STIMATE: variants seen among roughly 807,000 people sequenced by gnomAD.
STIMATE encodes the protein STIM activating enhancer.
STIMATE carries 15 observed loss-of-function variants against 36.7 expected under a neutral mutation model. The ratio of observed to expected loss-of-function variants is 0.41; its 90% CI spans 0.27 to 0.63. The LOEUF (loss-of-function observed/expected upper bound fraction) is 0.63, where lower values mean the gene tolerates loss of function less well. Ranked by LOEUF, STIMATE falls within the 20% of genes least tolerant of loss-of-function variation. STIMATE has a pLI of 0.32. For missense variants in STIMATE, 305 were observed against 397.3 expected (o/e 0.77, Z 1.98); for synonymous variants, 163 against 162.3 (o/e 1.00, Z -0.03).
intron 1 of STIMATE, among the ~76,000 whole-genome samples, chr3:52,870,596 G>A (rs962546946): frequency 2.6e-5 from 4 of 152,150 alleles, no homozygotes; most frequent in Admixed American, 2.0e-4. Context: ...TCTGCCCAGG[G>A]TGAGGGCACT....
intron 1 of STIMATE, among the ~76,000 whole-genome samples, chr3:52,884,371 G>A (rs754448254): frequency 2.6e-5 from 4 of 151,514 alleles, no homozygotes; most frequent in African/African-American, 7.3e-5. Context: ...TCAGCCTCCC[G>A]AGTACCTGGG....
At chr3:52,858,698 G>T (rs998901760) in intron 1 of STIMATE, among the ~76,000 whole-genome samples, 4 of 152,194 alleles carry the variant, frequency 2.6e-5, no homozygotes, top group African/African-American at 2.4e-5. Context: ...AATCTGCAAT[G>T]AATGCACTGC....
rs770005112 is a variant in STIMATE, at chr3:52,891,668, TTTTC to T, written c.160+5619_160+5622del. On this transcript the variant is annotated intron_variant, in intron 1 of 7. Transcript: ENST00000355083. ...ACTGTGCTGGCTGGGCTAAAGGTGC[TTTTC>T]TTTCTTTCTTTTTTTTTTCACTGCC... Among the ~76,000 whole-genome samples, 23 of 152,090 alleles carry T rather than the reference TTTTC, an allele frequency of 1.5e-4. 1 individual carries two copies. Among genetic ancestry groups the T allele is most frequent in the Middle Eastern group, 6.8e-3 (2 of 294 alleles).
At chr3:52,876,187 T>A (rs1366483014) in intron 1 of STIMATE, among the ~76,000 whole-genome samples, 1 of 152,180 alleles carries the variant, frequency 6.6e-6, no homozygotes, top group Non-Finnish European at 1.5e-5. Flanking sequence ...TCATCCTAAT[T>A]TTCAGATGGC....
rs776540811 is a variant in STIMATE at position 52,849,894 on chromosome 3, G to A, written c.325C>T (p.Leu109=). The change falls in exon 4 of 8, where the codon CTG becomes TTG. Residue 109 remains leucine, a synonymous_variant. Transcript: ENST00000355083. ...AGCAGCATGCCCACAGTGGCGTCCA[G>A]GAGGAAGTTGATGAGGTACCTGTGA... ...PCSLYLINFL[L]DATVGMLLIY... is the part of the protein sequence containing the mutation. 6 of 1,613,776 alleles carry A rather than the reference G, an allele frequency of 3.7e-6. No homozygotes were observed. In the South Asian group the frequency reaches 4.4e-5, roughly 12 times the overall value.
chr3:52,897,312 C>T lies in STIMATE; in HGVS notation c.139G>A (p.Val47Met). ...GIFLQGLLGV[V>M]AFSTLMLKRF... ...TCACGCATTAACGTGCTGAAGGCCA[C>T]GACGCCGAGCAGCCCCTGCAGGAAG... Residue 47 changes from valine to methionine, a missense_variant, in exon 1 of 8, where the codon GTG becomes ATG. Physicochemically the swap from Val to Met is conservative, Grantham distance 21. Transcript: ENST00000355083. 6.4e-7 allele frequency: 1 copy of T among 1,554,028 alleles called. No homozygotes were observed. The highest frequency in any genetic ancestry group is 2.4e-5 in the East Asian group (1 of 41,902).
chr3:52,897,191 G>A (rs572964196), intron 1 of STIMATE, 100 bp downstream of exon 1: 51 of 1,434,242 alleles, frequency 3.6e-5, no homozygotes, highest in South Asian at 4.0e-5. Context: ...AGCAATTCGG[G>A]TCCCAAGGCC....
At chr3:52,849,397 A>G (rs1273656700) in intron 4 of STIMATE, among the ~76,000 whole-genome samples, 1 of 152,242 alleles carries the variant, frequency 6.6e-6, no homozygotes, top group African/African-American at 2.4e-5. Context: ...AACACCTTCG[A>G]AAAATGAGAG....
chr3:52,844,769 G>T, intron 5 of STIMATE, 60 bp downstream of exon 5: 1 of 1,586,536 alleles, frequency 6.3e-7, no homozygotes, highest in Non-Finnish European at 8.6e-7. Context: ...GTGGGTGATG[G>T]GGAGGAAGTG....
chr3:52,881,752 A>G (rs1323033516), intron 1 of STIMATE, among the ~76,000 whole-genome samples: 2 of 152,150 alleles, frequency 1.3e-5, no homozygotes, highest in Non-Finnish European at 2.9e-5. Context: ...GCTACAAACC[A>G]CTCTGGGATT....
intron 2 of STIMATE, among the ~76,000 whole-genome samples, 180 bp downstream of exon 2, chr3:52,855,216 T>C (rs1041906850): frequency 1.3e-5 from 2 of 152,148 alleles, no homozygotes; most frequent in Non-Finnish European, 2.9e-5. Context: ...GAAACAAAAA[T>C]GCTTTCATAA....
At position 52,855,457 on chromosome 3, in the gene STIMATE, A is replaced by G. The variant is rs1429436529; in HGVS notation, c.161-13T>C. On this transcript the variant is annotated splice_polypyrimidine_tract_variant and intron_variant, in intron 1 of 7. Coordinates refer to ENST00000355083, the MANE Select transcript of STIMATE (RefSeq NM_198563.5). ...CTGAAGCGTTTGACTGAAAGAAAAG[A>G]CAGACATCAGTAGTTTTCCAAAGAA... is the stretch of plus-strand genomic sequence containing the variant. 6.2e-7 allele frequency: 1 copy of G among 1,614,144 alleles called. No homozygotes were observed. Among genetic ancestry groups the G allele is most frequent in the Non-Finnish European group, 8.5e-7 (1 of 1,180,008 alleles).
At chr3:52,892,785 C>T (rs1427853742) in intron 1 of STIMATE, among the ~76,000 whole-genome samples, 2 of 152,326 alleles carry the variant, frequency 1.3e-5, no homozygotes, top group African/African-American at 4.8e-5. Context: ...ACCAAGTCAT[C>T]AACCTTATTA....
chr3:52,859,391 G>A (rs1244225594), intron 1 of STIMATE, among the ~76,000 whole-genome samples: 1 of 146,906 alleles, frequency 6.8e-6, no homozygotes, highest in Non-Finnish European at 1.5e-5. Flanking sequence ...GCTATGCTGG[G>A]TGTGATGGCT....
At chr3:52,887,671 C>T (rs1169600520) in intron 1 of STIMATE, among the ~76,000 whole-genome samples, 2 of 152,168 alleles carry the variant, frequency 1.3e-5, no homozygotes, top group Non-Finnish European at 2.9e-5. Context: ...CCTTATGCCT[C>T]ATATCACCCC....
intron 1 of STIMATE, among the ~76,000 whole-genome samples, chr3:52,868,244 T>C (rs1184307640): frequency 6.6e-6 from 1 of 152,168 alleles, no homozygotes; most frequent in Non-Finnish European, 1.5e-5. Context: ...ATTCTCTCAT[T>C]CTTCCTTGCT....
chr3:52,866,205 C>A (rs560699844), intron 1 of STIMATE, among the ~76,000 whole-genome samples: 12 of 152,384 alleles, frequency 7.9e-5, no homozygotes, highest in Non-Finnish European at 1.5e-4. Flanking sequence ...CACACTCCCA[C>A]TAATAGCACG....
chr3:52,888,455 A>C (rs1314949562), intron 1 of STIMATE, among the ~76,000 whole-genome samples: 3 of 152,168 alleles, frequency 2.0e-5, no homozygotes, highest in Non-Finnish European at 4.4e-5. Context: ...CCAAATAGAA[A>C]GCTGCTCTAA....
chr3:52,881,520 A>C (rs886115063), intron 1 of STIMATE, among the ~76,000 whole-genome samples: 1 of 151,940 alleles, frequency 6.6e-6, no homozygotes, highest in Non-Finnish European at 1.5e-5. Flanking sequence ...CTGGCTAACA[A>C]GGTGAAACCC....
Sources: allele counts gnomAD v4.1 joint callset (sites outside exome capture counted in the v4.1 genomes callset), GRCh38; gene constraint gnomAD v4.1.1; transcripts MANE v1.5; gene names NCBI Gene and HGNC (gene_info 2026-07-23, HGNC 2026-07-21).